CDC42SE2: variants seen among roughly 807,000 people sequenced by gnomAD.
CDC42SE2 encodes CDC42 small effector protein 2.
Under a neutral mutation model 11.5 loss-of-function variants are expected in CDC42SE2, and 3 were observed. The ratio of observed to expected loss-of-function variants is 0.26; its 90% CI spans 0.12 to 0.67. CDC42SE2 has a LOEUF of 0.67. Ranked by LOEUF, CDC42SE2 falls within the 30% of genes least tolerant of loss-of-function variation. The probability of loss-of-function intolerance (pLI) is 0.80; values close to 1 mark genes in which losing one functional copy is unlikely to be tolerated. For missense variants in CDC42SE2, 82 were observed against 106.8 expected, an observed-to-expected ratio of 0.77 and a Z score of 1.02; for synonymous variants, 33 against 34.8, an observed-to-expected ratio of 0.95 and a Z score of 0.18.
At chr5:131,293,572 CAA>C (rs57767937) in intron 1 of CDC42SE2, among the ~76,000 whole-genome samples, 121 of 101,172 alleles carry the variant, frequency 1.2e-3, no homozygotes, top group Middle Eastern at 4.5e-3. Context: ...AACTCCGTCT[CAA>C]AAAAAAAAAA....
In CDC42SE2 at chr5:131,378,954, C is replaced by T. The variant is rs78372192; in HGVS notation, c.55-6589C>T. On this transcript the variant is annotated intron_variant, in intron 3 of 4. Coordinates refer to ENST00000505065, the MANE Select transcript of CDC42SE2 (RefSeq NM_001375635.1). ...TCAGTGTCAAACACACATTGAGCCT[C>T]ACTGTGTTTCCCTCAAATAGAAAAC... 4.4e-3 allele frequency among the ~76,000 whole-genome samples: 670 copies of T among 152,328 alleles called. 3 individuals carry two copies. The highest frequency in any genetic ancestry group is 7.2e-3 in the Non-Finnish European group (492 of 68,020).
intron 2 of CDC42SE2, among the ~76,000 whole-genome samples, chr5:131,332,330 G>A (rs1758438892): frequency 1.3e-5 from 2 of 152,200 alleles, no homozygotes; most frequent in African/African-American, 4.8e-5. Flanking sequence ...GTATTCCACG[G>A]TGTATATGTG....
At chr5:131,337,935 G>T (rs888699676) in intron 2 of CDC42SE2, among the ~76,000 whole-genome samples, 1 of 152,198 alleles carries the variant, frequency 6.6e-6, no homozygotes, top group Non-Finnish European at 1.5e-5. Context: ...GCGATGCCTC[G>T]CCCTGCTTCC....
chr5:131,316,639 T>C (rs1381943611), intron 2 of CDC42SE2, among the ~76,000 whole-genome samples: 3 of 152,198 alleles, frequency 2.0e-5, no homozygotes, highest in African/African-American at 4.8e-5. Context: ...TGGTCCCTCT[T>C]CTCCGCAGAG....
At position 131,333,886 on chromosome 5, in the gene CDC42SE2, A is replaced by C. The variant is rs549522991; in HGVS notation, c.-286+17742A>C. Among the ~76,000 whole-genome samples, 505 of 152,312 alleles carry C rather than the reference A, an allele frequency of 3.3e-3. 7 individuals are homozygous for C. The highest frequency in any genetic ancestry group is 3.5e-3 in the Non-Finnish European group (241 of 68,026). ...GGGCTGAGATGATGGGGTTTTCTAG[A>C]TATACAATCATGTCATCTGCAAACA... On this transcript the variant is annotated intron_variant, in intron 2 of 4. Transcript: ENST00000505065.
intron 1 of CDC42SE2, among the ~76,000 whole-genome samples, chr5:131,269,803 G>A (rs1272605839): frequency 6.6e-6 from 1 of 152,242 alleles, no homozygotes; most frequent in Middle Eastern, 3.4e-3. Flanking sequence ...GCTCACGCCT[G>A]TAATCCTAGC....
chr5:131,263,203 A>C (rs994635670), upstream of CDC42SE2, among the ~76,000 whole-genome samples: 1 of 151,980 alleles, frequency 6.6e-6, no homozygotes, highest in Admixed American at 6.6e-5. Context: ...TGAAAGTGAA[A>C]ATGAGAGTAT....
chr5:131,217,052 C>T, the CDC42SE2 span, among the ~76,000 whole-genome samples: 1 of 152,206 alleles, frequency 6.6e-6, no homozygotes. Context: ...CAGATTTTCA[C>T]TGATGCAAGG....
chr5:131,377,493 G>C (rs962992052), intron 3 of CDC42SE2, among the ~76,000 whole-genome samples: 37 of 152,068 alleles, frequency 2.4e-4, no homozygotes, highest in African/African-American at 8.9e-4. Context: ...TAGTCATTCA[G>C]CTGTTAATCT....
chr5:131,254,362 C>T (rs1205412572), intron 1 of CDC42SE2, among the ~76,000 whole-genome samples: 1 of 151,832 alleles, frequency 6.6e-6, no homozygotes, highest in Admixed American at 6.6e-5. Flanking sequence ...GCCAACATGG[C>T]GAAACTCCAT....
intron 1 of CDC42SE2, 108 bp from the exon 2 acceptor site, chr5:131,315,868 G>A (rs1166937608): frequency 6.6e-6 from 1 of 152,190 alleles, no homozygotes; most frequent in Admixed American, 6.5e-5. Context: ...TGCTTAGTGA[G>A]CCTAGTGTTT....
intron 1 of CDC42SE2, among the ~76,000 whole-genome samples, chr5:131,302,398 C>T (rs985971555): frequency 6.6e-6 from 1 of 152,164 alleles, no homozygotes; most frequent in East Asian, 1.9e-4. Flanking sequence ...AGGCTGGTCA[C>T]GAACTCCCGA....
At position 131,394,054 on chromosome 5, in the gene CDC42SE2, A is replaced by ATAAT. The variant is rs1750772581; in HGVS notation, c.*2965_*2968dup. The ATAAT allele has an allele frequency of 6.6e-6, 1 of 152,366 alleles. No homozygotes were observed. Among genetic ancestry groups the ATAAT allele is most frequent in the Non-Finnish European group, 1.5e-5 (1 of 68,040 alleles). 9.4% of individuals were successfully genotyped at this position (152,366 alleles called of 1,614,324 possible). A position where few individuals can be genotyped will look rare whatever the true frequency, so the allele number is the denominator to read the frequency against. ...AAAAGATACGGTATTAACCTTGGAC[A>ATAAT]TAATTTTTTTTAGGGAGGCAGCTTT... On this transcript the variant is annotated 3_prime_UTR_variant, in exon 5 of 5. Transcript: ENST00000505065.
intron 1 of CDC42SE2, among the ~76,000 whole-genome samples, chr5:131,271,543 T>C (rs1303182423): frequency 6.6e-6 from 1 of 152,196 alleles, no homozygotes; most frequent in East Asian, 1.9e-4. Context: ...ATTTTATGTA[T>C]GTAAGGGACT....
chr5:131,306,992 G>A (rs1196421570), intron 1 of CDC42SE2, among the ~76,000 whole-genome samples: 1 of 151,714 alleles, frequency 6.6e-6, no homozygotes, highest in Non-Finnish European at 1.5e-5. Flanking sequence ...TTTGGTGGAG[G>A]CTTTAGGGTT....
At chr5:131,368,674 G>C (rs1749930629) in intron 3 of CDC42SE2, among the ~76,000 whole-genome samples, 1 of 152,104 alleles carries the variant, frequency 6.6e-6, no homozygotes, top group Non-Finnish European at 1.5e-5. Flanking sequence ...TTCAGAAGTA[G>C]ACAGTAGTAT....
chr5:131,383,152 C>G (rs750980802), intron 3 of CDC42SE2, among the ~76,000 whole-genome samples: 6 of 152,144 alleles, frequency 3.9e-5, no homozygotes, highest in Non-Finnish European at 7.4e-5. Flanking sequence ...GCATGCAGCA[C>G]TCCAGATCAA....
intron 2 of CDC42SE2, among the ~76,000 whole-genome samples, chr5:131,337,385 G>T (rs1252167937): frequency 6.6e-6 from 1 of 152,186 alleles, no homozygotes; most frequent in Non-Finnish European, 1.5e-5. Context: ...CCCTACTGGG[G>T]GGTGCCTCCC....
upstream of CDC42SE2, among the ~76,000 whole-genome samples, chr5:131,241,070 C>CT (rs1756537421): frequency 6.6e-6 from 1 of 152,182 alleles, no homozygotes; most frequent in South Asian, 2.1e-4. Context: ...GCTCCGCCTC[C>CT]TGGGTTCACG....
Sources: gnomAD v4.1 joint callset for allele counts (sites outside exome capture counted in the v4.1 genomes callset) on GRCh38, gnomAD v4.1.1 for gene constraint, MANE v1.5 for transcripts, NCBI Gene and HGNC (gene_info 2026-07-23, HGNC 2026-07-21) for gene names.